The following TJAP1 variants were observed in gnomAD, a reference collection of about 807,000 sequenced individuals.
The protein encoded by TJAP1 is tight junction associated protein 1, also known as tight junction-associated protein 1.
In TJAP1, 27 loss-of-function variants were observed where a neutral mutation model predicts 42.0. That is an observed-to-expected ratio of 0.64 (90% CI 0.47 to 0.89). TJAP1 has a LOEUF of 0.89. TJAP1 is among the 40% of genes least tolerant of loss of function. The probability of loss-of-function intolerance (pLI) is 0.00; values close to 1 mark genes in which losing one functional copy is unlikely to be tolerated. For missense variants in TJAP1, 712 were observed against 726.9 expected, an observed-to-expected ratio of 0.98 and a Z score of 0.24; for synonymous variants, 257 against 288.4, an observed-to-expected ratio of 0.89 and a Z score of 1.10.
Position 43,505,282 on chromosome 6 carries a change from T to G in TJAP1, c.1101T>G (p.Ser367Arg), listed in dbSNP as rs780433212. The change falls in exon 11 of 11, where the codon AGT (serine) becomes AGG (arginine). Residue 367 changes from serine (S) to arginine (R), a missense_variant. By Grantham distance (110) the Ser-to-Arg change is moderately radical. Coordinates refer to ENST00000372449, the Ensembl canonical transcript of TJAP1. The surrounding 1 kb of genome is among the most constrained non-coding windows in gnomAD (Gnocchi z 5.5). ...CCCTGAGCCTGGTAGAGGAGGGGAG[T>G]GAGCGGGCCCGCCCCAGCCCAGTGC... The G allele has an allele frequency of 3.1e-6, 5 of 1,611,508 alleles. No individual in the cohort carries two copies. Among genetic ancestry groups the G allele is most frequent in the Non-Finnish European group, 3.4e-6 (4 of 1,179,436 alleles).
At chr6:43,485,632 A>G (rs1357057384) in intron 2 of TJAP1, among the ~76,000 whole-genome samples, 1 of 152,170 alleles carries the variant, frequency 6.6e-6, no homozygotes, top group African/African-American at 2.4e-5. Context: ...AGTGACTGTT[A>G]ACCTGTCTCT....
Position 43,491,550 on chromosome 6 carries a change from A to G in TJAP1, c.-121-6331A>G, listed in dbSNP as rs1787837057. On this transcript the variant is annotated intron_variant, in intron 2 of 10. Coordinates refer to ENST00000372449, the Ensembl canonical transcript of TJAP1. The surrounding 1 kb of genome is among the most constrained non-coding windows in gnomAD (Gnocchi z 4.6). The stretch of plus-strand genomic sequence containing the variant: ...GGTGATCTGCCCGCCTTGGCCTCCC[A>G]AAGTGTTGGGATTACAGGTATGAGC... 6.6e-6 allele frequency among the ~76,000 whole-genome samples: 1 copy of G among 152,132 alleles called. No homozygotes were observed. The highest frequency in any genetic ancestry group is 2.4e-5 in the African/African-American group (1 of 41,422).
chr6:43,488,257 T>C (rs746667326), intron 2 of TJAP1, among the ~76,000 whole-genome samples: 15 of 152,040 alleles, frequency 9.9e-5, no homozygotes, highest in Non-Finnish European at 1.8e-4. Context: ...TTTGTTGACT[T>C]AAGTGACCAA....
Position 43,488,942 on chromosome 6 carries a change from C to T in TJAP1, c.-121-8939C>T, listed in dbSNP as rs546444559. Among the ~76,000 whole-genome samples the T allele has an allele frequency of 3.3e-5, 5 of 152,292 alleles. No individual in the cohort carries two copies. In the South Asian group the frequency reaches 8.3e-4, roughly 25 times the overall value. On this transcript the variant is annotated intron_variant, in intron 2 of 10. Transcript: ENST00000372449. ...CCTAGGCTTGGGAAAAGGCCAGGCC[C>T]ACCTCTGTGGCCAGGGTGGTGACTC...
chr6:43,485,816 C>A (rs370451269), intron 2 of TJAP1, among the ~76,000 whole-genome samples: 3 of 152,202 alleles, frequency 2.0e-5, no homozygotes, highest in African/African-American at 7.2e-5. Context: ...TCTGGCAAAA[C>A]CTTTTGCACC....
chr6:43,485,967 GTT>G (rs113524829), intron 2 of TJAP1, among the ~76,000 whole-genome samples: 3 of 141,960 alleles, frequency 2.1e-5, no homozygotes, highest in African/African-American at 5.1e-5. Flanking sequence ...GCCTTTTTAT[GTT>G]TTTTTTTTTT....
intron 2 of TJAP1, among the ~76,000 whole-genome samples, chr6:43,490,263 T>C (rs1787513494): frequency 6.6e-6 from 1 of 152,228 alleles, no homozygotes; most frequent in Non-Finnish European, 1.5e-5. Flanking sequence ...TGGGCTCCAC[T>C]GACCACCCCC....
rs947133825 is a variant in TJAP1, at chr6:43,494,389, T to C, written c.-121-3492T>C. Reference sequence around the variant, plus strand: ...TCCTTCTCACTTCACCTTCATGGGATGGGGAAGGGTTGCTGCTACTCTGGG... The same window carrying C: ...TCCTTCTCACTTCACCTTCATGGGACGGGGAAGGGTTGCTGCTACTCTGGG... On this transcript the variant is annotated intron_variant, in intron 2 of 10. Coordinates refer to ENST00000372449, the Ensembl canonical transcript of TJAP1. 5.3e-5 allele frequency among the ~76,000 whole-genome samples: 8 copies of C among 152,224 alleles called. No individual in the cohort carries two copies. In the East Asian group the frequency reaches 1.4e-3, roughly 26 times the overall value.
intron 8 of TJAP1, 90 bp downstream of exon 8, chr6:43,502,707 C>A: frequency 7.2e-7 from 1 of 1,392,680 alleles, no homozygotes; most frequent in Non-Finnish European, 1.0e-6. Context: ...TTACCCTGTG[C>A]CCCTTGAGTA....
chr6:43,499,255 A>G, intron 4 of TJAP1, 155 bp downstream of exon 4: 1 of 1,140,364 alleles, frequency 8.8e-7, no homozygotes, highest in Non-Finnish European at 1.2e-6. Context: ...GCAGTAGTGC[A>G]GGTGGGGGTA....
At chr6:43,504,088 G>A (rs1242635983) in intron 10 of TJAP1, 1 of 379,080 alleles carries the variant, frequency 2.6e-6, no homozygotes, top group Non-Finnish European at 5.1e-6. Flanking sequence ...TATGTGGCCT[G>A]CAGAAGTAGA....
Position 43,505,272 on chromosome 6 carries a change from A to G in TJAP1, c.1091A>G (p.Glu364Gly). 1.2e-6 allele frequency: 2 copies of G among 1,613,660 alleles called. No individual in the cohort carries two copies. Among genetic ancestry groups the G allele is most frequent in the Non-Finnish European group, 1.7e-6 (2 of 1,179,914 alleles). The change falls in exon 11 of 11, where the codon GAG becomes GGG. Residue 364 changes from glutamate to glycine, a missense_variant. Physicochemically the swap from Glu to Gly is moderately conservative, Grantham distance 98. Transcript: ENST00000372449. This position sits in a 1 kb window ranked among gnomAD's most constrained non-coding sequence, Gnocchi z 5.5. ...CAGGCCATTTCCCTGAGCCTGGTAG[A>G]GGAGGGGAGTGAGCGGGCCCGCCCC... is the stretch of plus-strand genomic sequence containing the variant.
intron 8 of TJAP1, chr6:43,502,894 G>A (rs1424813573): frequency 1.8e-6 from 1 of 562,416 alleles, no homozygotes; most frequent in East Asian, 3.1e-5. Context: ...CAGGCTGTGG[G>A]AGTGGGGAGG....
At chr6:43,494,614 G>C (rs909477223) in intron 2 of TJAP1, among the ~76,000 whole-genome samples, 3 of 151,306 alleles carry the variant, frequency 2.0e-5, no homozygotes, top group East Asian at 1.9e-4. Context: ...AGTTTGGGGT[G>C]GGGGTGGGAG....
At chr6:43,496,262 A>G (rs1397569543) in intron 2 of TJAP1, among the ~76,000 whole-genome samples, 1 of 152,128 alleles carries the variant, frequency 6.6e-6, no homozygotes, top group Non-Finnish European at 1.5e-5. Flanking sequence ...TTACCCTCTG[A>G]GTATCAGAAT....
In TJAP1 at chr6:43,502,751, G is replaced by A. The variant is rs530708401; in HGVS notation, c.387+134G>A. On this transcript the variant is annotated intron_variant, in intron 8 of 10. Transcript: ENST00000372449. ...CCTTTCTCTTCCCTGTATGAGGCCC[G>A]TTTAACTGTCAATGCCTCCCTCCCA... 1.9e-4 allele frequency: 190 copies of A among 1,018,558 alleles called. No individual in the cohort carries two copies. The African/African-American group carries it at 2.3e-3, about 12-fold the overall frequency. The allele number at this position is 1,018,558 out of a possible 1,614,324, so 63.1% of individuals were successfully genotyped here.
At chr6:43,480,601 G>A (rs944103124) in intron 2 of TJAP1, among the ~76,000 whole-genome samples, 8 of 151,938 alleles carry the variant, frequency 5.3e-5, no homozygotes, top group African/African-American at 9.7e-5. Flanking sequence ...TGCAACCGCC[G>A]CCTCCCAGGT....
At chr6:43,503,857 G>A in intron 10 of TJAP1, 151 bp downstream of exon 10, 1 of 748,618 alleles carries the variant, frequency 1.3e-6, no homozygotes, top group Non-Finnish European at 2.4e-6. Flanking sequence ...AGTCAACTCT[G>A]CCACTGGTTG....
Position 43,491,136 on chromosome 6 carries a change from A to G in TJAP1, c.-121-6745A>G, listed in dbSNP as rs1240693279. Among the ~76,000 whole-genome samples, 1 of 152,018 alleles carries G rather than the reference A, an allele frequency of 6.6e-6. No homozygotes were observed. Among genetic ancestry groups the G allele is most frequent in the Non-Finnish European group, 1.5e-5 (1 of 68,016 alleles). On this transcript the variant is annotated intron_variant, in intron 2 of 10. Transcript: ENST00000372449. The surrounding 1 kb of genome is among the most constrained non-coding windows in gnomAD (Gnocchi z 4.6). ...TGAGAGAAGGCAGCAGCCTACCAGCACTGGGTGGGAGCTTGTAAATGGGAG... is the reference window on the plus strand; with the variant it reads ...TGAGAGAAGGCAGCAGCCTACCAGCGCTGGGTGGGAGCTTGTAAATGGGAG...
Sources: allele counts gnomAD v4.1 joint callset (sites outside exome capture counted in the v4.1 genomes callset), GRCh38; gene constraint gnomAD v4.1.1; non-coding constraint Gnocchi (gnomAD v3.1); transcripts MANE v1.5; gene names NCBI Gene and HGNC (gene_info 2026-07-23, HGNC 2026-07-21).